TIMP3: variants seen among roughly 807,000 people sequenced by gnomAD.
The protein encoded by TIMP3 is TIMP metallopeptidase inhibitor 3, also known as metalloproteinase inhibitor 3.
Under a neutral mutation model 30.0 loss-of-function variants are expected in TIMP3, and 11 were observed. The observed-to-expected ratio is 0.37, with a 90% confidence interval of 0.23 to 0.61. The LOEUF is 0.61. Among genes scored for constraint, TIMP3 ranks in the 20% least tolerant of loss-of-function variants. The probability of loss-of-function intolerance (pLI) is 0.70; values close to 1 mark genes in which losing one functional copy is unlikely to be tolerated. For synonymous variants in TIMP3, 112 were observed against 111.3 expected (o/e 1.01, Z -0.04); for missense variants, 181 against 276.8 (o/e 0.65, Z 2.45).
At chr22:32,805,019 G>A (rs1217755737) in intron 1 of TIMP3, among the ~76,000 whole-genome samples, 4 of 48,428 alleles carry the variant, frequency 8.3e-5, no homozygotes, top group African/African-American at 2.4e-4. Context: ...GAAAATGTGC[G>A]TGTGTGCGTG....
chr22:32,812,854 T>A (rs1158205597), intron 1 of TIMP3, among the ~76,000 whole-genome samples: 1 of 152,132 alleles, frequency 6.6e-6, no homozygotes, highest in Non-Finnish European at 1.5e-5. Context: ...GATAGAAAGC[T>A]CCAAAGATCC....
At chr22:32,842,271 G>C (rs187749897) in intron 1 of TIMP3, among the ~76,000 whole-genome samples, 67 of 152,288 alleles carry the variant, frequency 4.4e-4, no homozygotes, top group African/African-American at 1.6e-3. Flanking sequence ...TCTTTCAGGA[G>C]GGTTTTTTTG....
intron 1 of TIMP3, among the ~76,000 whole-genome samples, chr22:32,820,233 CT>C (rs2047198430): frequency 6.7e-6 from 1 of 149,368 alleles, no homozygotes; most frequent in Admixed American, 6.7e-5. Flanking sequence ...AGCATTCCTC[CT>C]TTCTCCCCTG....
intron 1 of TIMP3, among the ~76,000 whole-genome samples, chr22:32,826,600 T>G (rs910966595): frequency 2.0e-5 from 3 of 152,140 alleles, no homozygotes; most frequent in Non-Finnish European, 2.9e-5. Flanking sequence ...AAGTTAACAC[T>G]TTAAAAGAAA....
intron 1 of TIMP3, among the ~76,000 whole-genome samples, chr22:32,843,965 T>A (rs2047988249): frequency 6.6e-6 from 1 of 152,136 alleles, no homozygotes; most frequent in Non-Finnish European, 1.5e-5. Context: ...GTATCTCACC[T>A]GCTAGATAGC....
At chr22:32,858,698 A>G (rs2048448437) in intron 4 of TIMP3, among the ~76,000 whole-genome samples, 1 of 152,182 alleles carries the variant, frequency 6.6e-6, no homozygotes, top group Admixed American at 6.5e-5. Flanking sequence ...TGTGGTTTTA[A>G]TTACTATGAT....
chr22:32,843,530 C>T (rs1004192983), intron 1 of TIMP3, among the ~76,000 whole-genome samples: 8 of 152,158 alleles, frequency 5.3e-5, no homozygotes, highest in African/African-American at 1.7e-4. Flanking sequence ...TCAGCAAGGC[C>T]GCTCCCTTTG....
In TIMP3 at chr22:32,801,881, C is replaced by T. The variant is rs1172512904; in HGVS notation, c.-121C>T. On this transcript the variant is annotated 5_prime_UTR_variant, in exon 1 of 5. Transcript: ENST00000266085. The surrounding 1 kb of genome is among the most constrained non-coding windows in gnomAD (Gnocchi z 4.7). ...ACTCGGAGGGCAGCGCGCCGGAGGC[C>T]AAGGTTGCCCCGCACGGCCCGGCGG... 2 of 1,288,972 alleles carry T rather than the reference C, an allele frequency of 1.6e-6. No individual in the cohort carries two copies. The highest frequency in any genetic ancestry group is 2.0e-6 in the Non-Finnish European group (2 of 1,015,344). The allele number at this position is 1,288,972 out of a possible 1,614,324, so 79.8% of individuals were successfully genotyped here.
rs959641920 is a variant in TIMP3, at chr22:32,857,186, T to A, written c.205-63T>A. 3.2e-6 allele frequency: 4 copies of A among 1,240,186 alleles called. No individual in the cohort carries two copies. The African/African-American group carries it at 4.5e-5, about 14-fold the overall frequency. The allele number at this position is 1,240,186 out of a possible 1,614,324, so 76.8% of individuals were successfully genotyped here. Reference sequence around the variant, plus strand: ...TTTGGATACATACCCAGCAGTGGGATTAGGGATCATACGGGTGTCCAAACT... The same window carrying A: ...TTTGGATACATACCCAGCAGTGGGAATAGGGATCATACGGGTGTCCAAACT... On this transcript the variant is annotated intron_variant, in intron 2 of 4. Transcript: ENST00000266085.
At chr22:32,831,145 T>C (rs2047563034) in intron 1 of TIMP3, among the ~76,000 whole-genome samples, 1 of 152,168 alleles carries the variant, frequency 6.6e-6, no homozygotes, top group African/African-American at 2.4e-5. Flanking sequence ...AGCGTGACCC[T>C]TATGCCTCAA....
chr22:32,824,459 G>A (rs1350251500), intron 1 of TIMP3, among the ~76,000 whole-genome samples: 2 of 151,820 alleles, frequency 1.3e-5, no homozygotes, highest in African/African-American at 4.8e-5. Context: ...AGTCATATAG[G>A]GACTGGCACC....
chr22:32,848,060 A>C (rs2048118956), intron 1 of TIMP3, among the ~76,000 whole-genome samples: 1 of 152,182 alleles, frequency 6.6e-6, no homozygotes, highest in Non-Finnish European at 1.5e-5. Context: ...AGACCTGTCC[A>C]TTTGCTCCTC....
intron 2 of TIMP3, among the ~76,000 whole-genome samples, chr22:32,856,434 G>A (rs1247897274): frequency 6.6e-6 from 1 of 152,030 alleles, no homozygotes; most frequent in East Asian, 1.9e-4. Context: ...ATCAGTGACC[G>A]GCCACTGGAC....
intron 1 of TIMP3, chr22:32,833,971 A>G (rs942079404): frequency 8.5e-6 from 4 of 472,030 alleles, no homozygotes; most frequent in African/African-American, 2.0e-5. Flanking sequence ...AACTACCCAC[A>G]TGACCATCCT....
chr22:32,840,593 C>T (rs1223501258), intron 1 of TIMP3, among the ~76,000 whole-genome samples: 1 of 151,976 alleles, frequency 6.6e-6, no homozygotes, highest in East Asian at 1.9e-4. Flanking sequence ...TTGCTCAGAG[C>T]CCGGCTGTGA....
chr22:32,823,817 C>A (rs1021999475), intron 1 of TIMP3, among the ~76,000 whole-genome samples: 5 of 152,096 alleles, frequency 3.3e-5, no homozygotes, highest in Non-Finnish European at 5.9e-5. Flanking sequence ...GCAAGTCACT[C>A]TGCCTCCAGA....
intron 1 of TIMP3, among the ~76,000 whole-genome samples, chr22:32,849,026 G>A (rs1601533402): frequency 6.6e-6 from 1 of 152,314 alleles, no homozygotes; most frequent in Admixed American, 6.5e-5. Context: ...AGCCCCAAAT[G>A]AGGTGGTTAG....
intron 1 of TIMP3, among the ~76,000 whole-genome samples, chr22:32,817,410 T>C (rs148714389): frequency 7.5e-4 from 114 of 152,260 alleles, no homozygotes; most frequent in African/African-American, 2.5e-3. Flanking sequence ...ACAAATGCAG[T>C]TGGTGAGACA....
At chr22:32,832,399 T>C (rs913135951) in intron 1 of TIMP3, among the ~76,000 whole-genome samples, 1 of 151,954 alleles carries the variant, frequency 6.6e-6, no homozygotes, top group Middle Eastern at 3.2e-3. Context: ...TTTTGTACAA[T>C]AAAAAACAAG....
Sources: gnomAD v4.1 joint callset for allele counts (sites outside exome capture counted in the v4.1 genomes callset) on GRCh38, gnomAD v4.1.1 for gene constraint, Gnocchi (gnomAD v3.1) non-coding constraint, MANE v1.5 for transcripts, NCBI Gene and HGNC (gene_info 2026-07-23, HGNC 2026-07-21) for gene names.